Variants in SMARCAL1 observed in about 807,000 individuals in gnomAD.
SMARCAL1 encodes the protein ATP-driven annealing helicase.
A neutral mutation model predicts 94.5 loss-of-function variants in SMARCAL1; 58 were observed. The ratio of observed to expected loss-of-function variants is 0.61; its 90% CI spans 0.50 to 0.76. The LOEUF is 0.76. SMARCAL1 is among the 30% of genes least tolerant of loss of function. The pLI, the probability that SMARCAL1 is intolerant of heterozygous loss-of-function variation, is 0.00. For missense variants in SMARCAL1, 1,051 were observed against 1,177.9 expected (o/e 0.89, Z 1.58); for synonymous variants, 422 against 455.1 (o/e 0.93, Z 0.93).
Position 216,461,449 on chromosome 2 carries a change from T to C in SMARCAL1, c.2071-3148T>C, listed in dbSNP as rs547041431. 3.3e-5 allele frequency among the ~76,000 whole-genome samples: 5 copies of C among 152,208 alleles called. No homozygotes were observed. The South Asian group carries it at 1.0e-3, about 32-fold the overall frequency. ...AATATGTGTATTTTAAAAGCAGAACTGGGATCATACAAACACGTCAAGTGG... is the reference window on the plus strand; with the variant it reads ...AATATGTGTATTTTAAAAGCAGAACCGGGATCATACAAACACGTCAAGTGG... On this transcript the variant is annotated intron_variant, in intron 12 of 17. Coordinates refer to ENST00000357276, the MANE Select transcript of SMARCAL1 (RefSeq NM_014140.4).
At chr2:216,464,736 T>G in intron 13 of SMARCAL1, 69 bp downstream of exon 13, 2 of 1,062,894 alleles carry the variant, frequency 1.9e-6, no homozygotes, top group South Asian at 2.5e-5. Context: ...ACTTATTACT[T>G]TATTCTGCCT....
At chr2:216,436,516 G>A (rs1340488304) in intron 9 of SMARCAL1, among the ~76,000 whole-genome samples, 2 of 152,306 alleles carry the variant, frequency 1.3e-5, no homozygotes, top group South Asian at 2.1e-4. Context: ...ATTCTGTTTT[G>A]GACATGAGAA....
chr2:216,450,944 C>T lies in SMARCAL1; in HGVS notation c.1950C>T (p.Val650=). ...TGCTGCGGCGCCTCAAGTCCGACGT[C>T]CTTTCCCAGCTGCCTGCCAAGCAGC... ...AVMLRRLKSD[V]LSQLPAKQRK... is the part of the protein sequence containing the mutation. Residue 650 remains valine, a synonymous_variant, in exon 12 of 18, where the codon GTC becomes GTT. Transcript: ENST00000357276. The T allele has an allele frequency of 6.2e-7, 1 of 1,614,224 alleles. No homozygotes were observed. The highest frequency in any genetic ancestry group is 8.5e-7 in the Non-Finnish European group (1 of 1,180,040).
intron 6 of SMARCAL1, among the ~76,000 whole-genome samples, chr2:216,428,014 A>C (rs1176161420): frequency 1.3e-5 from 2 of 152,214 alleles, no homozygotes; most frequent in Non-Finnish European, 2.9e-5. Context: ...TCTGACTCCC[A>C]GAGTGCCCTT....
chr2:216,438,462 C>G lies in SMARCAL1; in HGVS notation c.1687C>G (p.Arg563Gly). 6.2e-7 allele frequency: 1 copy of G among 1,614,014 alleles called. No individual in the cohort carries two copies. The highest frequency in any genetic ancestry group is 8.5e-7 in the Non-Finnish European group (1 of 1,179,958). Residue 563 changes from arginine to glycine, a missense_variant, in exon 10 of 18, where the codon CGA becomes GGA. By Grantham distance (125) the Arg-to-Gly change is moderately radical. Coordinates refer to ENST00000357276, the MANE Select transcript of SMARCAL1 (RefSeq NM_014140.4). Reference protein sequence around the residue: ...FLKNSRTARCRAAMPVLKVAK... With the variant: ...FLKNSRTARCGAAMPVLKVAK... ...CAAAAACAGTAGGACTGCCCGCTGTCGAGCAGCTATGCCGGTCCTAAAGGT... is the reference window on the plus strand; with the variant it reads ...CAAAAACAGTAGGACTGCCCGCTGTGGAGCAGCTATGCCGGTCCTAAAGGT...
intron 12 of SMARCAL1, among the ~76,000 whole-genome samples, chr2:216,461,497 T>C (rs1188250748): frequency 7.9e-5 from 12 of 152,292 alleles, no homozygotes; most frequent in Admixed American, 5.2e-4. Context: ...GTTACTGTCT[T>C]ATGAAGACTT....
intron 3 of SMARCAL1, chr2:216,415,887 T>TA: frequency 2.7e-6 from 1 of 376,868 alleles, no homozygotes; most frequent in Non-Finnish European, 5.0e-6. Flanking sequence ...CAGGCCCAGT[T>TA]TCATTGGTCT....
At chr2:216,478,431 T>G (rs999470830) in intron 17 of SMARCAL1, 132 bp downstream of exon 17, 8 of 749,764 alleles carry the variant, frequency 1.1e-5, no homozygotes, top group Non-Finnish European at 1.9e-5. Context: ...CTGAAAACAA[T>G]GGCCTGCAGT....
chr2:216,420,269 C>T, intron 4 of SMARCAL1, 30 bp from the exon 5 acceptor site: 1 of 1,566,434 alleles, frequency 6.4e-7, no homozygotes, highest in South Asian at 1.1e-5. Context: ...CCTGCTTTAT[C>T]ACTTCTGTTC....
At chr2:216,455,094 C>T (rs943622288) in intron 12 of SMARCAL1, among the ~76,000 whole-genome samples, 8 of 152,356 alleles carry the variant, frequency 5.3e-5, no homozygotes, top group Middle Eastern at 3.4e-3. Flanking sequence ...CACGGAGGCT[C>T]GCTCATTGCT....
intron 14 of SMARCAL1, among the ~76,000 whole-genome samples, chr2:216,468,789 C>T (rs922945785): frequency 8.5e-5 from 13 of 152,076 alleles, no homozygotes; most frequent in Non-Finnish European, 1.6e-4. Context: ...GGCAGGATCT[C>T]AGCTCACTGT....
intron 17 of SMARCAL1, among the ~76,000 whole-genome samples, chr2:216,479,705 A>C (rs1222384482): frequency 1.3e-5 from 2 of 152,180 alleles, no homozygotes; most frequent in African/African-American, 4.8e-5. Context: ...CTTTTTAAAG[A>C]ACTCTCCAGT....
chr2:216,469,850 A>G (rs1452753845), intron 14 of SMARCAL1, among the ~76,000 whole-genome samples: 3 of 152,214 alleles, frequency 2.0e-5, no homozygotes, highest in Admixed American at 6.5e-5. Flanking sequence ...CTAACAACAT[A>G]TAAGGGTTCC....
At chr2:216,425,063 C>T (rs1693802212) in intron 6 of SMARCAL1, among the ~76,000 whole-genome samples, 1 of 152,198 alleles carries the variant, frequency 6.6e-6, no homozygotes, top group South Asian at 2.1e-4. Context: ...TACACAGAAT[C>T]CTTTTGGTGC....
chr2:216,451,324 A>G (rs190183593), intron 12 of SMARCAL1: 18 of 489,010 alleles, frequency 3.7e-5, no homozygotes, highest in African/African-American at 2.9e-4. Context: ...AGGCAACAGC[A>G]GGGTGGTGAT....
intron 15 of SMARCAL1, 126 bp from the exon 16 acceptor site, chr2:216,476,983 G>A: frequency 1.3e-6 from 1 of 751,606 alleles, no homozygotes; most frequent in Non-Finnish European, 2.3e-6. Context: ...GTCTGAGACA[G>A]TGAAGTGCTT....
chr2:216,457,796 A>G (rs1694604754), intron 12 of SMARCAL1, among the ~76,000 whole-genome samples: 1 of 152,170 alleles, frequency 6.6e-6, no homozygotes, highest in South Asian at 2.1e-4. Context: ...GCAAGAGCAA[A>G]CATTCAAAAG....
Position 216,482,826 on chromosome 2 carries a change from C to T in SMARCAL1, c.2714C>T (p.Ser905Phe), listed in dbSNP as rs1695230200. ...ATGGAGCTCCTGGAAGCAGCAGAGT[C>T]CTTTGACCCAGGAAGTGCTTCAGGA... is the stretch of plus-strand genomic sequence containing the variant. ...SDMELLEAAE[S>F]FDPGSASGTS... is the part of the protein sequence containing the mutation. The change falls in exon 18 of 18, where the codon TCC (serine) becomes TTC (phenylalanine). Residue 905 changes from serine (S) to phenylalanine (F), a missense_variant. Transcript: ENST00000357276. The surrounding 1 kb of genome is among the most constrained non-coding windows in gnomAD (Gnocchi z 4.3). The T allele has an allele frequency of 3.1e-6, 5 of 1,614,168 alleles. No individual in the cohort carries two copies. Among genetic ancestry groups the T allele is most frequent in the Non-Finnish European group, 3.4e-6 (4 of 1,180,024 alleles).
chr2:216,470,780 C>A (rs1047310406), intron 14 of SMARCAL1, among the ~76,000 whole-genome samples: 1 of 148,326 alleles, frequency 6.7e-6, no homozygotes, highest in Non-Finnish European at 1.5e-5. Flanking sequence ...GCCACCGCAC[C>A]CAGCCTCCAG....
Sources: allele counts gnomAD v4.1 joint callset (sites outside exome capture counted in the v4.1 genomes callset), GRCh38; gene constraint gnomAD v4.1.1; non-coding constraint Gnocchi (gnomAD v3.1); transcripts MANE v1.5; gene names NCBI Gene and HGNC (gene_info 2026-07-23, HGNC 2026-07-21).